Variants in FAM13A observed in about 807,000 individuals in gnomAD.
FAM13A encodes the protein protein FAM13A.
Under a neutral mutation model 129.6 loss-of-function variants are expected in FAM13A, and 76 were observed. The observed-to-expected ratio is 0.59, with a 90% CI of 0.49 to 0.71. FAM13A has a LOEUF of 0.71. Among genes scored for constraint, FAM13A ranks in the 30% least tolerant of loss-of-function variants. FAM13A has a pLI of 0.00. For missense variants in FAM13A, 1,108 were observed against 1,249.3 expected (o/e 0.89, Z 1.70); for synonymous variants, 443 against 449.9 (o/e 0.98, Z 0.20).
intron 6 of FAM13A, among the ~76,000 whole-genome samples, chr4:88,891,091 T>C (rs1458551): frequency 0.73 from 111,097 of 152,106 alleles, 40,950 homozygotes; most frequent in Non-Finnish European, 0.78. Flanking sequence ...ATTAAAGCAA[T>C]TGATAGTCCC....
chr4:88,790,484 AC>A, intron 9 of FAM13A, 101 bp downstream of exon 9: 1 of 943,054 alleles, frequency 1.1e-6, no homozygotes, highest in Non-Finnish European at 1.7e-6. Context: ...ATTTTCCAAT[AC>A]TGTACACCAT....
At chr4:89,027,784 G>A (rs1768162069) in intron 2 of FAM13A, among the ~76,000 whole-genome samples, 2 of 152,216 alleles carry the variant, frequency 1.3e-5, no homozygotes, top group Admixed American at 1.3e-4. Context: ...TGAGGCCACT[G>A]CTAAGTGACT....
chr4:88,824,785 G>A (rs1732681295), intron 7 of FAM13A, among the ~76,000 whole-genome samples: 1 of 152,028 alleles, frequency 6.6e-6, no homozygotes, highest in Non-Finnish European at 1.5e-5. Context: ...TTGGCTCACT[G>A]CAACCTCCGC....
At chr4:89,019,083 A>T (rs1766898767) in intron 3 of FAM13A, among the ~76,000 whole-genome samples, 1 of 152,226 alleles carries the variant, frequency 6.6e-6, no homozygotes, top group Admixed American at 6.5e-5. Flanking sequence ...AGCTACAGAC[A>T]GGTCTCCTTC....
intron 11 of FAM13A, among the ~76,000 whole-genome samples, chr4:88,773,075 T>C (rs182192958): frequency 1.3e-5 from 2 of 152,308 alleles, no homozygotes; most frequent in East Asian, 1.9e-4. Context: ...AGATGGTCTT[T>C]ACATCAAAGT....
At chr4:89,025,701 T>C (rs1384404119) in intron 2 of FAM13A, among the ~76,000 whole-genome samples, 2 of 152,136 alleles carry the variant, frequency 1.3e-5, no homozygotes, top group Non-Finnish European at 2.9e-5. Flanking sequence ...TGAGTAAAGC[T>C]CTTTATGCAA....
chr4:89,047,273 T>G (rs560301353), intron 1 of FAM13A, among the ~76,000 whole-genome samples: 99 of 152,178 alleles, frequency 6.5e-4, no homozygotes, highest in East Asian at 2.9e-3. Flanking sequence ...TGGTTTTTTT[T>G]GGGGGGGTTG....
At chr4:88,978,638 C>CA (rs1233534302) in intron 4 of FAM13A, among the ~76,000 whole-genome samples, 9 of 151,976 alleles carry the variant, frequency 5.9e-5, no homozygotes, top group Admixed American at 1.3e-4. Flanking sequence ...ACTAAAAACA[C>CA]AAAAAATTAG....
chr4:88,868,561 G>A (rs1740832368), intron 6 of FAM13A, among the ~76,000 whole-genome samples: 1 of 152,126 alleles, frequency 6.6e-6, no homozygotes, highest in African/African-American at 2.4e-5. Context: ...ACTGTTCAGT[G>A]GCTTTTCACC....
chr4:88,746,850 A>G, intron 19 of FAM13A, 82 bp downstream of exon 19: 2 of 907,874 alleles, frequency 2.2e-6, no homozygotes, highest in South Asian at 2.8e-5. Context: ...AGGGAACCCC[A>G]TTTGTAAAAT....
chr4:89,019,779 A>G (rs571410970), intron 3 of FAM13A, among the ~76,000 whole-genome samples: 1 of 151,838 alleles, frequency 6.6e-6, no homozygotes, highest in African/African-American at 2.4e-5. Context: ...AAAAAAAAAA[A>G]AAGCAAGTTC....
chr4:88,948,567 C>T (rs987565411), intron 4 of FAM13A, among the ~76,000 whole-genome samples: 3 of 151,960 alleles, frequency 2.0e-5, no homozygotes, highest in Non-Finnish European at 4.4e-5. Context: ...CAGCTCACTG[C>T]AACCTCCGCC....
At chr4:88,753,472 T>G (rs1202963080) in intron 14 of FAM13A, 3 of 156,646 alleles carry the variant, frequency 1.9e-5, no homozygotes, top group Admixed American at 1.3e-4. Context: ...TCAGTGACAT[T>G]TTCTCCTAAA....
rs544037721 is a variant in FAM13A at position 89,029,562 on chromosome 4, T to C, written c.115A>G (p.Lys39Glu). 5.6e-6 allele frequency: 9 copies of C among 1,594,540 alleles called. No homozygotes were observed. In the Admixed American group the frequency reaches 9.4e-5, roughly 17 times the overall value. Residue 39 changes from lysine to glutamate, a missense_variant, in exon 2 of 24, where the codon AAG becomes GAG. Coordinates refer to ENST00000264344, the MANE Select transcript of FAM13A (RefSeq NM_014883.4). ...LNEQKDFTYQ[K>E]LFGVSLQELE... is the part of the protein sequence containing the mutation. ...TCTTGGAGACTGACTCCAAATAACTTCTGATAGGTAAAATCCTTCTGTTCA... is the reference window on the plus strand; with the variant it reads ...TCTTGGAGACTGACTCCAAATAACTCCTGATAGGTAAAATCCTTCTGTTCA...
intron 9 of FAM13A, among the ~76,000 whole-genome samples, chr4:88,789,737 C>T (rs1465576743): frequency 6.6e-6 from 1 of 151,982 alleles, no homozygotes; most frequent in Non-Finnish European, 1.5e-5. Context: ...TTCTCTAAAA[C>T]ATTGAGTAAA....
At chr4:88,788,241 T>C (rs1724374554) in intron 9 of FAM13A, among the ~76,000 whole-genome samples, 2 of 152,126 alleles carry the variant, frequency 1.3e-5, no homozygotes, top group East Asian at 3.9e-4. Flanking sequence ...TCAATCAATA[T>C]AAGGAAGAAT....
intron 4 of FAM13A, among the ~76,000 whole-genome samples, chr4:88,956,877 C>G (rs890649284): frequency 3.2e-4 from 48 of 152,136 alleles, no homozygotes; most frequent in Admixed American, 1.9e-3. Context: ...ATTGTCCCCG[C>G]CCAAATTTCA....
intron 4 of FAM13A, among the ~76,000 whole-genome samples, chr4:88,989,208 AAAACAAAC>A (rs139128222): frequency 1.3e-5 from 2 of 150,898 alleles, no homozygotes; most frequent in Admixed American, 1.3e-4. Flanking sequence ...ACTCTGTCTC[AAAACAAAC>A]AAACAAACAA....
chr4:88,773,573 T>A (rs1578588018), intron 11 of FAM13A, among the ~76,000 whole-genome samples: 1 of 152,168 alleles, frequency 6.6e-6, no homozygotes, highest in African/African-American at 2.4e-5. Flanking sequence ...TCCCTTGTGG[T>A]GCTCCCTTCT....
Sources: gnomAD v4.1 joint callset for allele counts (sites outside exome capture counted in the v4.1 genomes callset) on GRCh38, gnomAD v4.1.1 for gene constraint, MANE v1.5 for transcripts, NCBI Gene and HGNC (gene_info 2026-07-23, HGNC 2026-07-21) for gene names.